Variants in CTNNA1 observed in about 807,000 individuals in gnomAD.
CTNNA1 encodes catenin alpha 1.
In CTNNA1, 37 loss-of-function variants were observed where a neutral mutation model predicts 98.4. The observed-to-expected ratio is 0.38, with a 90% confidence interval of 0.29 to 0.49. The LOEUF (loss-of-function observed/expected upper bound fraction) is 0.49. Among genes scored for constraint, CTNNA1 ranks in the 20% least tolerant of loss-of-function variants. The pLI is 0.95. For missense variants in CTNNA1, 761 were observed against 1,147.2 expected (o/e 0.66, Z 4.86); for synonymous variants, 404 against 413.2 (o/e 0.98, Z 0.27).
At chr5:138,760,832 T>C (rs1752272217) in intron 1 of CTNNA1, among the ~76,000 whole-genome samples, 1 of 152,216 alleles carries the variant, frequency 6.6e-6, no homozygotes, top group Non-Finnish European at 1.5e-5. Context: ...GTCTGAGTAC[T>C]TGAAGTGGTG....
chr5:138,785,806 C>T (rs1309406470), intron 3 of CTNNA1, among the ~76,000 whole-genome samples: 1 of 152,034 alleles, frequency 6.6e-6, no homozygotes, highest in African/African-American at 2.4e-5. Flanking sequence ...TGTTGGCAGG[C>T]TCGTCTCGAA....
rs566196910 is a variant in CTNNA1, at chr5:138,758,630, C to G, written c.-3+5120C>G. Among the ~76,000 whole-genome samples, 14 of 152,268 alleles carry G rather than the reference C, an allele frequency of 9.2e-5. No individual in the cohort carries two copies. The South Asian group carries it at 2.7e-3, about 29-fold the overall frequency. On this transcript the variant is annotated intron_variant, in intron 1 of 17. Transcript: ENST00000302763. ...GACCTCGTGATCTGCCCACCTCGGC[C>G]TCCCAAGGTGCTGGGATTACAGGTG... is the stretch of plus-strand genomic sequence containing the variant.
chr5:138,906,876 A>T (rs1759372866), intron 10 of CTNNA1, among the ~76,000 whole-genome samples: 1 of 152,194 alleles, frequency 6.6e-6, no homozygotes, highest in Non-Finnish European at 1.5e-5. Flanking sequence ...GGGCAGGTTC[A>T]GTAATGGCAA....
intron 7 of CTNNA1, among the ~76,000 whole-genome samples, chr5:138,851,594 A>T (rs1050434882): frequency 2.8e-5 from 4 of 142,452 alleles, no homozygotes; most frequent in South Asian, 2.3e-4. Context: ...CCTGTCTCTT[A>T]AAAAAAATGC....
At chr5:138,840,955 A>G (rs976326963) in intron 7 of CTNNA1, among the ~76,000 whole-genome samples, 4 of 152,106 alleles carry the variant, frequency 2.6e-5, no homozygotes, top group African/African-American at 9.7e-5. Flanking sequence ...CATGATGGGT[A>G]GTTCAGGTTC....
chr5:138,851,180 G>T (rs892954811), intron 7 of CTNNA1, among the ~76,000 whole-genome samples: 10 of 152,124 alleles, frequency 6.6e-5, no homozygotes, highest in Non-Finnish European at 1.5e-4. Flanking sequence ...TGGATGACAG[G>T]GGGCAGAGAA....
At chr5:138,791,615 CA>C (rs1181055311) in intron 3 of CTNNA1, among the ~76,000 whole-genome samples, 48 of 40,304 alleles carry the variant, frequency 1.2e-3, no homozygotes, top group Non-Finnish European at 1.5e-3. Flanking sequence ...GACTCCGTCT[CA>C]AAAAAAAAAA....
chr5:138,894,536 G>C (rs1359863468), intron 9 of CTNNA1, among the ~76,000 whole-genome samples: 1 of 151,992 alleles, frequency 6.6e-6, no homozygotes, highest in Non-Finnish European at 1.5e-5. Context: ...GCCTCCCAAA[G>C]TGCTGGGATT....
intron 7 of CTNNA1, chr5:138,869,184 A>C (rs1159125562): frequency 1.3e-5 from 2 of 151,892 alleles, no homozygotes; most frequent in Non-Finnish European, 1.5e-5. Context: ...AAAAAAAAAA[A>C]AAAAAACCGC....
chr5:138,808,172 A>G (rs926650357), intron 3 of CTNNA1, among the ~76,000 whole-genome samples: 1 of 152,200 alleles, frequency 6.6e-6, no homozygotes, highest in Non-Finnish European at 1.5e-5. Flanking sequence ...TCACAAGGCT[A>G]TTTAATTTTT....
chr5:138,844,126 T>TTCTTTATTTAA, intron 7 of CTNNA1, among the ~76,000 whole-genome samples: 1 of 150,726 alleles, frequency 6.6e-6, no homozygotes, highest in Admixed American at 6.6e-5. Flanking sequence ...GGCCACTCCA[T>TTCTTTATTTAA]AGGCAGAGCA....
intron 6 of CTNNA1, 113 bp downstream of exon 6, chr5:138,824,912 C>T: frequency 1.1e-6 from 1 of 949,956 alleles, no homozygotes; most frequent in South Asian, 1.6e-5. Context: ...CCACTTAGAT[C>T]TTTAATCTAA....
chr5:138,810,105 C>T lies in CTNNA1; in HGVS notation c.369C>T (p.Asn123=), dbSNP rs1758520639. The change falls in exon 4 of 18, where the codon AAC becomes AAT. Residue 123 remains asparagine (N), a synonymous_variant. Coordinates refer to ENST00000302763, the MANE Select transcript of CTNNA1 (RefSeq NM_001903.5). ...DDPCSSVKRG[N]MVRAARALLS... ...CCTGCTCTTCTGTGAAGCGAGGCAACATGGTTCGGGCAGCTCGAGCTTTGC... is the reference window on the plus strand; with the variant it reads ...CCTGCTCTTCTGTGAAGCGAGGCAATATGGTTCGGGCAGCTCGAGCTTTGC... The T allele has an allele frequency of 1.2e-6, 2 of 1,614,158 alleles. No homozygotes were observed. Among genetic ancestry groups the T allele is most frequent in the Non-Finnish European group, 1.7e-6 (2 of 1,180,006 alleles).
chr5:138,787,052 G>A (rs1469161228), intron 3 of CTNNA1, among the ~76,000 whole-genome samples: 1 of 152,108 alleles, frequency 6.6e-6, no homozygotes, highest in African/African-American at 2.4e-5. Flanking sequence ...TCTTTGTTCT[G>A]AATCACTGTT....
intron 7 of CTNNA1, among the ~76,000 whole-genome samples, chr5:138,850,837 A>G (rs998675327): frequency 3.3e-5 from 5 of 152,202 alleles, no homozygotes; most frequent in South Asian, 2.1e-4. Context: ...AGTTTTACCT[A>G]TTATCACTAC....
rs527716339 is a variant in CTNNA1 at position 138,792,615 on chromosome 5, G to T, written c.301+9243G>T. Among the ~76,000 whole-genome samples, 205 of 152,282 alleles carry T rather than the reference G, an allele frequency of 1.3e-3. 2 individuals are homozygous for T. The highest frequency in any genetic ancestry group is 4.4e-3 in the African/African-American group (183 of 41,548). On this transcript the variant is annotated intron_variant, in intron 3 of 17. Transcript: ENST00000302763. Reference sequence around the variant, plus strand: ...GCATTGTGTGGGTGTGTGTGAGAGAGATTGCATTTTAATTTGTCTGATCTG... The same window carrying T: ...GCATTGTGTGGGTGTGTGTGAGAGATATTGCATTTTAATTTGTCTGATCTG...
At chr5:138,819,868 A>C (rs879849739) in intron 5 of CTNNA1, among the ~76,000 whole-genome samples, 1 of 73,260 alleles carries the variant, frequency 1.4e-5, no homozygotes, top group Non-Finnish European at 2.7e-5. Flanking sequence ...CGGGGGGGTG[A>C]GTGGGGGGAT....
intron 3 of CTNNA1, among the ~76,000 whole-genome samples, chr5:138,804,246 C>T (rs1180674578): frequency 1.3e-5 from 2 of 152,216 alleles, no homozygotes; most frequent in Non-Finnish European, 2.9e-5. Context: ...TATCCAGCTC[C>T]AGAGCCTGTG....
chr5:138,887,565 G>A lies in CTNNA1; in HGVS notation c.1219G>A (p.Ala407Thr), dbSNP rs2150032517. 1 of 1,612,366 alleles carries A rather than the reference G, an allele frequency of 6.2e-7. No homozygotes were observed. Among genetic ancestry groups the A allele is most frequent in the Admixed American group, 1.7e-5 (1 of 59,804 alleles). ...TNVPLLVLIEAAKNGNEKEVK... is the reference protein window; with the variant it reads ...TNVPLLVLIETAKNGNEKEVK... Reference sequence around the variant, plus strand: ...TGTTCCACTTTTGGTATTGATTGAAGCTGCAAAGAATGGAAATGAGAAAGA... The same window carrying A: ...TGTTCCACTTTTGGTATTGATTGAAACTGCAAAGAATGGAAATGAGAAAGA... Residue 407 changes from alanine to threonine, a missense_variant, in exon 9 of 18, where the codon GCT (alanine) becomes ACT (threonine). This residue lies in a region of CTNNA1 where 287 missense variants were observed against 436.0 expected (regional missense o/e 0.66). Transcript: ENST00000302763.
Sources: allele counts gnomAD v4.1 joint callset (sites outside exome capture counted in the v4.1 genomes callset), GRCh38; gene constraint gnomAD v4.1.1; regional missense constraint gnomAD v4.1.1; transcripts MANE v1.5; gene names NCBI Gene and HGNC (gene_info 2026-07-23, HGNC 2026-07-21).